Variants in HS3ST3B1 observed in about 807,000 individuals in gnomAD.
HS3ST3B1 encodes heparan sulfate-glucosamine 3-sulfotransferase 3B1.
HS3ST3B1 carries 13 observed loss-of-function variants against 21.3 expected under a neutral mutation model. The observed-to-expected ratio is 0.61, with a 90% CI of 0.40 to 0.97. HS3ST3B1 has a LOEUF of 0.97. Ranked by LOEUF, HS3ST3B1 falls within the 50% of genes least tolerant of loss-of-function variation. The pLI is 0.00. For synonymous variants in HS3ST3B1, 234 were observed against 254.8 expected, an observed-to-expected ratio of 0.92 and a Z score of 0.78; for missense variants, 459 against 554.8, an observed-to-expected ratio of 0.83 and a Z score of 1.73.
chr17:14,324,275 T>C (rs1909742746), intron 1 of HS3ST3B1, among the ~76,000 whole-genome samples: 2 of 152,234 alleles, frequency 1.3e-5, no homozygotes, highest in African/African-American at 4.8e-5. Context: ...GCTACTTCTG[T>C]GGGTGAACAC....
chr17:14,308,936 G>A (rs367907441), intron 1 of HS3ST3B1, among the ~76,000 whole-genome samples: 167 of 152,328 alleles, frequency 1.1e-3, no homozygotes, highest in African/African-American at 3.8e-3. Flanking sequence ...GCAATGTGAG[G>A]TTTGAGAAGC....
intron 1 of HS3ST3B1, among the ~76,000 whole-genome samples, chr17:14,344,182 G>A (rs1451729675): frequency 6.6e-6 from 1 of 152,232 alleles, no homozygotes; most frequent in African/African-American, 2.4e-5. Flanking sequence ...TTAATGGCGT[G>A]AGCCACTGTG....
chr17:14,302,094 A>C lies in HS3ST3B1; in HGVS notation c.554+22A>C, dbSNP rs891875209. 3 of 1,577,802 alleles carry C rather than the reference A, an allele frequency of 1.9e-6. No homozygotes were observed. The African/African-American group carries it at 4.0e-5, about 21-fold the overall frequency. ...ACCGGTGAGTTTCCCTGCCAGGGGC[A>C]GGGTCTCCATCGTCGATTCAGACCC... On this transcript the variant is annotated intron_variant, in intron 1 of 1. Coordinates refer to ENST00000360954, the MANE Select transcript of HS3ST3B1 (RefSeq NM_006041.3).
chr17:14,324,102 G>T (rs540633010), intron 1 of HS3ST3B1, among the ~76,000 whole-genome samples: 1 of 152,164 alleles, frequency 6.6e-6, no homozygotes, highest in East Asian at 1.9e-4. Context: ...GGACCCAGGA[G>T]CCCTTTTCTC....
intron 1 of HS3ST3B1, among the ~76,000 whole-genome samples, chr17:14,302,782 C>T (rs551610423): frequency 6.6e-6 from 1 of 152,154 alleles, no homozygotes; most frequent in Non-Finnish European, 1.5e-5. Context: ...CGGCGCGAGG[C>T]TTTGAAGGCG....
At chr17:14,332,230 GT>G (rs1356879546) in intron 1 of HS3ST3B1, among the ~76,000 whole-genome samples, 3 of 152,136 alleles carry the variant, frequency 2.0e-5, no homozygotes, top group African/African-American at 7.2e-5. Flanking sequence ...AATACTTAAG[GT>G]TAGTACATTG....
chr17:14,312,985 A>G (rs1354464007), intron 1 of HS3ST3B1, among the ~76,000 whole-genome samples: 6 of 146,148 alleles, frequency 4.1e-5, no homozygotes, highest in Non-Finnish European at 1.5e-5. Flanking sequence ...GCTCACTGCA[A>G]CCTCTGCCAC....
intron 1 of HS3ST3B1, among the ~76,000 whole-genome samples, chr17:14,318,510 G>C (rs1909566509): frequency 1.3e-5 from 2 of 152,222 alleles, no homozygotes; most frequent in Non-Finnish European, 2.9e-5. Flanking sequence ...ATCACTCACT[G>C]TGGAGGAACT....
At chr17:14,319,033 G>T (rs1458052528) in intron 1 of HS3ST3B1, among the ~76,000 whole-genome samples, 2 of 152,144 alleles carry the variant, frequency 1.3e-5, no homozygotes, top group African/African-American at 4.8e-5. Context: ...GCTGTGAGTT[G>T]TTTGTGGTTG....
intron 1 of HS3ST3B1, among the ~76,000 whole-genome samples, chr17:14,343,504 A>T (rs995762513): frequency 1.3e-5 from 2 of 152,032 alleles, no homozygotes. Context: ...TAATCCCCCA[A>T]CCAGCCTCTG....
At chr17:14,310,250 C>T (rs964332930) in intron 1 of HS3ST3B1, among the ~76,000 whole-genome samples, 1 of 152,160 alleles carries the variant, frequency 6.6e-6, no homozygotes, top group Admixed American at 6.5e-5. Context: ...GCCCCCTCCC[C>T]AGCACCTTCC....
At chr17:14,310,674 T>A (rs1405479155) in intron 1 of HS3ST3B1, among the ~76,000 whole-genome samples, 1 of 152,168 alleles carries the variant, frequency 6.6e-6, no homozygotes, top group African/African-American at 2.4e-5. Context: ...CGGTGCCTTT[T>A]CCTAGCTAAG....
In HS3ST3B1 at chr17:14,303,012, C is replaced by G. The variant is rs937179371; in HGVS notation, c.554+940C>G. Among the ~76,000 whole-genome samples the G allele has an allele frequency of 3.9e-5, 6 of 152,302 alleles. No homozygotes were observed. Among genetic ancestry groups the G allele is most frequent in the South Asian group, 2.1e-4 (1 of 4,824 alleles). On this transcript the variant is annotated intron_variant, in intron 1 of 1. Coordinates refer to ENST00000360954, the MANE Select transcript of HS3ST3B1 (RefSeq NM_006041.3). This position sits in a 1 kb window ranked among gnomAD's most constrained non-coding sequence, Gnocchi z 5.7. Reference sequence around the variant, plus strand: ...TCAGGTTCCAAAGGGACAGTGGCCCCGGGGTCACAATCACTACCTCTGCCC... The same window carrying G: ...TCAGGTTCCAAAGGGACAGTGGCCCGGGGGTCACAATCACTACCTCTGCCC...
intron 1 of HS3ST3B1, among the ~76,000 whole-genome samples, chr17:14,305,763 G>A (rs1909119026): frequency 6.6e-6 from 1 of 152,170 alleles, no homozygotes; most frequent in South Asian, 2.1e-4. Context: ...GTGTGTGTAT[G>A]TGGCATAATA....
At chr17:14,325,746 A>T (rs1597595259) in intron 1 of HS3ST3B1, among the ~76,000 whole-genome samples, 1 of 152,184 alleles carries the variant, frequency 6.6e-6, no homozygotes. Flanking sequence ...CTCAAAGCCT[A>T]AGCCTGTTTA....
At chr17:14,335,141 A>T (rs1272207740) in intron 1 of HS3ST3B1, among the ~76,000 whole-genome samples, 5 of 152,164 alleles carry the variant, frequency 3.3e-5, no homozygotes, top group East Asian at 1.9e-4. Flanking sequence ...CCTTCTGCAG[A>T]TTCCACTGCT....
Position 14,303,222 on chromosome 17 carries a change from A to G in HS3ST3B1, c.554+1150A>G, listed in dbSNP as rs926609123. Reference sequence around the variant, plus strand: ...CGTAACCCCAGCCAGCACGACATTCAGACACCCCTCCAGGCCCAATTAGCT... The same window carrying G: ...CGTAACCCCAGCCAGCACGACATTCGGACACCCCTCCAGGCCCAATTAGCT... On this transcript the variant is annotated intron_variant, in intron 1 of 1. Transcript: ENST00000360954. This position sits in a 1 kb window ranked among gnomAD's most constrained non-coding sequence, Gnocchi z 5.7. Among the ~76,000 whole-genome samples the G allele has an allele frequency of 3.1e-4, 47 of 152,132 alleles. No homozygotes were observed. Among genetic ancestry groups the G allele is most frequent in the African/African-American group, 1.1e-3 (46 of 41,420 alleles).
chr17:14,316,271 T>C lies in HS3ST3B1; in HGVS notation c.554+14199T>C, dbSNP rs77721406. On this transcript the variant is annotated intron_variant, in intron 1 of 1. Coordinates refer to ENST00000360954, the MANE Select transcript of HS3ST3B1 (RefSeq NM_006041.3). ...CCCCAGATGATTGCTGCAAAAAGAATAAAGAGCAAGAAGTGGAGTTGCAGT... is the reference window on the plus strand; with the variant it reads ...CCCCAGATGATTGCTGCAAAAAGAACAAAGAGCAAGAAGTGGAGTTGCAGT... Among the ~76,000 whole-genome samples the C allele has an allele frequency of 0.011, 1,601 of 152,264 alleles. 56 individuals are homozygous for C. The East Asian group carries it at 0.14, about 14-fold the overall frequency.
intron 1 of HS3ST3B1, among the ~76,000 whole-genome samples, chr17:14,338,366 T>C (rs529266939): frequency 3.3e-5 from 5 of 151,892 alleles, no homozygotes; most frequent in South Asian, 2.1e-4. Context: ...CCTTGTGATC[T>C]GCCCACCTTG....
Sources: gnomAD v4.1 joint callset for allele counts (sites outside exome capture counted in the v4.1 genomes callset) on GRCh38, gnomAD v4.1.1 for gene constraint, Gnocchi (gnomAD v3.1) non-coding constraint, MANE v1.5 for transcripts, NCBI Gene and HGNC (gene_info 2026-07-23, HGNC 2026-07-21) for gene names.